GALNT15: variants seen among roughly 807,000 people sequenced by gnomAD.
The protein encoded by GALNT15 is UDP-GalNAc transferase T15.
In GALNT15, 67 loss-of-function variants were observed where a neutral mutation model predicts 66.8. That is an observed-to-expected ratio of 1.00 (90% CI 0.82 to 1.23). GALNT15 has a LOEUF of 1.23. Ranked by LOEUF, GALNT15 falls within the 50% of genes most tolerant of loss-of-function variation. The pLI is 0.00. For missense variants in GALNT15, 827 were observed against 804.3 expected, an observed-to-expected ratio of 1.03 and a Z score of -0.34; for synonymous variants, 313 against 311.5, an observed-to-expected ratio of 1.00 and a Z score of -0.05.
At position 16,195,990 on chromosome 3, in the gene GALNT15, A is replaced by C. The variant is rs1343128686; in HGVS notation, c.706+64A>C. The C allele has an allele frequency of 6.5e-7, 1 of 1,541,772 alleles. No individual in the cohort carries two copies. The highest frequency in any genetic ancestry group is 1.4e-5 in the African/African-American group (1 of 72,770). On this transcript the variant is annotated intron_variant, in intron 2 of 9. Coordinates refer to ENST00000339732, the MANE Select transcript of GALNT15 (RefSeq NM_054110.5). The surrounding 1 kb of genome is among the most constrained non-coding windows in gnomAD (Gnocchi z 4.6). ...TTACCCCCTGGCGGGTGGAGTTCTCAAGCAAAAGATTGAAGTTTGGAACTA... is the reference window on the plus strand; with the variant it reads ...TTACCCCCTGGCGGGTGGAGTTCTCCAGCAAAAGATTGAAGTTTGGAACTA...
chr3:16,212,491 C>A, intron 5 of GALNT15, 78 bp from the exon 6 acceptor site: 1 of 1,382,066 alleles, frequency 7.2e-7, no homozygotes, highest in Non-Finnish European at 1.0e-6. Flanking sequence ...TTGCCAGCCC[C>A]TCATAGATAG....
At chr3:16,178,249 G>A (rs2063431684) in intron 1 of GALNT15, among the ~76,000 whole-genome samples, 1 of 152,150 alleles carries the variant, frequency 6.6e-6, no homozygotes, top group South Asian at 2.1e-4. Flanking sequence ...TGGTGCAAGT[G>A]TGGGTACATT....
the GALNT15 span, among the ~76,000 whole-genome samples, chr3:16,238,874 C>T: frequency 2.6e-5 from 4 of 152,200 alleles, no homozygotes; most frequent in Admixed American, 6.5e-5. The surrounding 1 kb of genome is among the most constrained non-coding windows in gnomAD (Gnocchi z 4.8). Context: ...AACCAACTCC[C>T]AGGGGCTTAA....
chr3:16,229,283 T>C lies in GALNT15; in HGVS notation c.*1783T>C. ...CACTCTGGACCTGTGCTGTCTAATA[T>C]GGTAGCCACTAACAAAATGTGGCCA... On this transcript the variant is annotated 3_prime_UTR_variant, in exon 10 of 10. Coordinates refer to ENST00000339732, the MANE Select transcript of GALNT15 (RefSeq NM_054110.5). 1 of 977,538 alleles carries C rather than the reference T, an allele frequency of 1.0e-6. No homozygotes were observed. Among genetic ancestry groups the C allele is most frequent in the South Asian group, 4.7e-5 (1 of 21,138 alleles). The allele number at this position is 977,538 out of a possible 1,614,324, so 60.6% of individuals were successfully genotyped here. A position where few individuals can be genotyped will look rare whatever the true frequency, so the allele number is the denominator to read the frequency against.
At chr3:16,185,638 A>AG (rs1479463298) in intron 1 of GALNT15, among the ~76,000 whole-genome samples, 6 of 152,228 alleles carry the variant, frequency 3.9e-5, no homozygotes, top group South Asian at 2.1e-4. Flanking sequence ...GAATGTGTGG[A>AG]GGAACTGATG....
Position 16,211,781 on chromosome 3 carries a change from A to T in GALNT15, c.1197+540A>T, listed in dbSNP as rs548722421. On this transcript the variant is annotated intron_variant, in intron 5 of 9. Coordinates refer to ENST00000339732, the MANE Select transcript of GALNT15 (RefSeq NM_054110.5). This position sits in a 1 kb window ranked among gnomAD's most constrained non-coding sequence, Gnocchi z 4.3. The stretch of plus-strand genomic sequence containing the variant: ...ATCCTCCGAAAACCCAACACCAAAA[A>T]AAATTCATCATCAAGAGTGCAGAGA... 1.9e-4 allele frequency among the ~76,000 whole-genome samples: 29 copies of T among 152,278 alleles called. No individual in the cohort carries two copies. The highest frequency in any genetic ancestry group is 3.2e-4 in the Non-Finnish European group (22 of 68,028).
Position 16,174,858 on chromosome 3 carries a change from A to C in GALNT15, c.-294A>C. On this transcript the variant is annotated 5_prime_UTR_variant, in exon 1 of 10. Transcript: ENST00000339732. This position sits in a 1 kb window ranked among gnomAD's most constrained non-coding sequence, Gnocchi z 4.7. ...TTTTTCCCAAGGAGAAAACCGGGGTAAAGGGAGGGAAGCAATTCAATTTGA... is the reference window on the plus strand; with the variant it reads ...TTTTTCCCAAGGAGAAAACCGGGGTCAAGGGAGGGAAGCAATTCAATTTGA... 1 of 402,760 alleles carries C rather than the reference A, an allele frequency of 2.5e-6. No individual in the cohort carries two copies. The allele number at this position is 402,760 out of a possible 1,614,324, so 24.9% of individuals were successfully genotyped here.
intron 5 of GALNT15, 74 bp from the exon 6 acceptor site, chr3:16,212,495 T>C (rs2063826784): frequency 7.0e-7 from 1 of 1,419,036 alleles, no homozygotes; most frequent in Non-Finnish European, 9.7e-7. Flanking sequence ...CAGCCCCTCA[T>C]AGATAGGGCT....
the GALNT15 span, among the ~76,000 whole-genome samples, chr3:16,246,572 T>G: frequency 1.8e-4 from 27 of 152,122 alleles, no homozygotes; most frequent in Admixed American, 1.3e-4. Flanking sequence ...TCTGCCCTCC[T>G]CGACCTCCCA....
rs1035849337 is a variant in GALNT15 at position 16,195,261 on chromosome 3, G to A, written c.540-499G>A. Among the ~76,000 whole-genome samples, 2 of 152,158 alleles carry A rather than the reference G, an allele frequency of 1.3e-5. No homozygotes were observed. Among genetic ancestry groups the A allele is most frequent in the Non-Finnish European group, 2.9e-5 (2 of 68,030 alleles). ...GCCCAAGCCAAAGACTAGAGCAGAG[G>A]TTCTCAAAGTGTGGTCCACAGAAAA... On this transcript the variant is annotated intron_variant, in intron 1 of 9. Coordinates refer to ENST00000339732, the MANE Select transcript of GALNT15 (RefSeq NM_054110.5). This position sits in a 1 kb window ranked among gnomAD's most constrained non-coding sequence, Gnocchi z 4.6.
Position 16,183,139 on chromosome 3 carries a change from C to T in GALNT15, c.539+7449C>T, listed in dbSNP as rs925249811. 3 of 152,368 alleles carry T rather than the reference C, an allele frequency of 2.0e-5. No homozygotes were observed. Among genetic ancestry groups the T allele is most frequent in the Non-Finnish European group, 4.4e-5 (3 of 68,188 alleles). 9.4% of individuals were successfully genotyped at this position (152,368 alleles called of 1,614,324 possible). On this transcript the variant is annotated intron_variant, in intron 1 of 9. Transcript: ENST00000339732. The surrounding 1 kb of genome is among the most constrained non-coding windows in gnomAD (Gnocchi z 5.2). ...CAGAGCAAGCCAAGGATCCCCTGAA[C>T]CCCTCCAGAAGTGAGCTGTGAGAGT...
rs1353209620 is a variant in GALNT15 at position 16,209,748 on chromosome 3, G to A, written c.1079+1078G>A. ...GAGGCACAAGAATCACTGGAACCCA[G>A]GAGGCAGAGGTTGCAATGAGCTGAG... is the stretch of plus-strand genomic sequence containing the variant. On this transcript the variant is annotated intron_variant, in intron 4 of 9. Coordinates refer to ENST00000339732, the MANE Select transcript of GALNT15 (RefSeq NM_054110.5). The surrounding 1 kb of genome is among the most constrained non-coding windows in gnomAD (Gnocchi z 4.1). 6.6e-6 allele frequency among the ~76,000 whole-genome samples: 1 copy of A among 152,194 alleles called. No individual in the cohort carries two copies. The highest frequency in any genetic ancestry group is 3.2e-3 in the Middle Eastern group (1 of 316).
At position 16,186,794 on chromosome 3, in the gene GALNT15, G is replaced by A. The variant is rs2063520179; in HGVS notation, c.540-8966G>A. 6.6e-6 allele frequency among the ~76,000 whole-genome samples: 1 copy of A among 152,232 alleles called. No individual in the cohort carries two copies. Among genetic ancestry groups the A allele is most frequent in the Admixed American group, 6.5e-5 (1 of 15,284 alleles). On this transcript the variant is annotated intron_variant, in intron 1 of 9. Transcript: ENST00000339732. The surrounding 1 kb of genome is among the most constrained non-coding windows in gnomAD (Gnocchi z 5.1). ...ACGGGCTGTGGTAGTTGTGGGAGCA[G>A]TGGGAAGTGACTGCCAATGGGTAGT...
In GALNT15 at chr3:16,225,072, G is replaced by T. The variant is rs144171556; in HGVS notation, c.1774-2282G>T. Among the ~76,000 whole-genome samples, 1,982 of 152,306 alleles carry T rather than the reference G, an allele frequency of 0.013. 43 individuals carry two copies. Among genetic ancestry groups the T allele is most frequent in the African/African-American group, 0.045 (1,871 of 41,552 alleles). On this transcript the variant is annotated intron_variant, in intron 9 of 9. Coordinates refer to ENST00000339732, the MANE Select transcript of GALNT15 (RefSeq NM_054110.5). The surrounding 1 kb of genome is among the most constrained non-coding windows in gnomAD (Gnocchi z 4.4). ...CATCTGCTTCTGGGGAGGCCTCAGA[G>T]AGCTTTTACTTATGGCAGAAGATGA...
rs2064032451 is a variant in GALNT15 at position 16,227,372 on chromosome 3, A to G, written c.1792A>G (p.Ile598Val). Residue 598 changes from isoleucine (I) to valine (V), a missense_variant, in exon 10 of 10, where the codon ATT becomes GTT. Ile to Val is a conservative substitution (Grantham distance 29). Transcript: ENST00000339732. The surrounding 1 kb of genome is among the most constrained non-coding windows in gnomAD (Gnocchi z 4.5). ...DFQENGMIVHILSGKCMEAVV... is the reference protein window; with the variant it reads ...DFQENGMIVHVLSGKCMEAVV... ...TTTTTAGAATGGGATGATTGTCCAC[A>G]TTCTTTCTGGGAAATGCATGGAAGC... 3 of 1,613,612 alleles carry G rather than the reference A, an allele frequency of 1.9e-6. No homozygotes were observed. Among genetic ancestry groups the G allele is most frequent in the African/African-American group, 1.3e-5 (1 of 74,872 alleles).
rs1455245478 is a variant in GALNT15, at chr3:16,182,146, C to T, written c.539+6456C>T. ...ATGTTATTTACTCCAGTGCCACTCA[C>T]AGTGTGGTCCTCAGACCTGCAGCCT... is the stretch of plus-strand genomic sequence containing the variant. On this transcript the variant is annotated intron_variant, in intron 1 of 9. Coordinates refer to ENST00000339732, the MANE Select transcript of GALNT15 (RefSeq NM_054110.5). The surrounding 1 kb of genome is among the most constrained non-coding windows in gnomAD (Gnocchi z 6.1). Among the ~76,000 whole-genome samples the T allele has an allele frequency of 3.3e-5, 5 of 152,298 alleles. No homozygotes were observed. In the East Asian group the frequency reaches 9.7e-4, roughly 29 times the overall value.
Position 16,186,658 on chromosome 3 carries a change from TATG to T in GALNT15, c.540-9099_540-9097del, listed in dbSNP as rs2063518770. ...ACAACATGATTAAGCTTGAAAACAT[TATG>T]ATAAGTGAAAGAAATCAGTCACAAA... On this transcript the variant is annotated intron_variant, in intron 1 of 9. Coordinates refer to ENST00000339732, the MANE Select transcript of GALNT15 (RefSeq NM_054110.5). The surrounding 1 kb of genome is among the most constrained non-coding windows in gnomAD (Gnocchi z 5.1). Among the ~76,000 whole-genome samples the T allele has an allele frequency of 1.3e-5, 2 of 152,160 alleles. No homozygotes were observed. The highest frequency in any genetic ancestry group is 1.3e-4 in the Admixed American group (2 of 15,280).
rs1344449251 is a variant in GALNT15 at position 16,193,478 on chromosome 3, A to G, written c.540-2282A>G. Among the ~76,000 whole-genome samples the G allele has an allele frequency of 6.6e-6, 1 of 152,236 alleles. No homozygotes were observed. The highest frequency in any genetic ancestry group is 1.5e-5 in the Non-Finnish European group (1 of 68,044). On this transcript the variant is annotated intron_variant, in intron 1 of 9. Transcript: ENST00000339732. This position sits in a 1 kb window ranked among gnomAD's most constrained non-coding sequence, Gnocchi z 4.7. ...GCTTGTAAATTTATAAACCAACAAA[A>G]TAATTAGCTCCTTTATGAGATGTTT...
At position 16,175,180 on chromosome 3, in the gene GALNT15, G is replaced by C. The variant is rs570504736; in HGVS notation, c.29G>C (p.Arg10Thr). 5 of 1,614,152 alleles carry C rather than the reference G, an allele frequency of 3.1e-6. No homozygotes were observed. In the Admixed American group the frequency reaches 8.3e-5, roughly 27 times the overall value. MLLRKRYRHRPCRLQFLLLL... is the reference protein window; with the variant it reads MLLRKRYRHTPCRLQFLLLL... ...CTCCTAAGGAAGCGATACAGGCACA[G>C]ACCATGCAGACTCCAGTTCCTCCTG... Residue 10 changes from arginine to threonine, a missense_variant, in exon 1 of 10, where the codon AGA becomes ACA. Physicochemically the swap from Arg to Thr is moderately conservative, Grantham distance 71. Transcript: ENST00000339732. This position sits in a 1 kb window ranked among gnomAD's most constrained non-coding sequence, Gnocchi z 5.6.
Sources: gnomAD v4.1 joint callset for allele counts (sites outside exome capture counted in the v4.1 genomes callset) on GRCh38, gnomAD v4.1.1 for gene constraint, Gnocchi (gnomAD v3.1) non-coding constraint, MANE v1.5 for transcripts, NCBI Gene and HGNC (gene_info 2026-07-23, HGNC 2026-07-21) for gene names.